CAMSAP2: variants seen among roughly 807,000 people sequenced by gnomAD.
CAMSAP2 encodes the protein calmodulin regulated spectrin associated protein family member 2, also known as calmodulin-regulated spectrin-associated protein 2.
In CAMSAP2, 26 loss-of-function variants were observed where a neutral mutation model predicts 146.1. The ratio of observed to expected loss-of-function variants is 0.18; its 90% CI spans 0.13 to 0.25. CAMSAP2 has a LOEUF of 0.25. Ranked by LOEUF, CAMSAP2 falls within the 10% of genes least tolerant of loss-of-function variation. The pLI, the probability that CAMSAP2 is intolerant of heterozygous loss-of-function variation, is 1.00. For missense variants in CAMSAP2, 1,381 were observed against 1,759.3 expected, an observed-to-expected ratio of 0.78 and a Z score of 3.85; for synonymous variants, 499 against 596.6, an observed-to-expected ratio of 0.84 and a Z score of 2.38.
In CAMSAP2 at chr1:200,739,232, C is replaced by T. The variant is rs558201213; in HGVS notation, c.-596C>T. Reference sequence around the variant, plus strand: ...ACGTTTTCCGCTGCTGCGTCTCCGGCGGGCAGGGGCCGGGCTGCGCTGGGT... The same window carrying T: ...ACGTTTTCCGCTGCTGCGTCTCCGGTGGGCAGGGGCCGGGCTGCGCTGGGT... On this transcript the variant is annotated 5_prime_UTR_variant, in exon 1 of 17. Transcript: ENST00000358823. This position sits in a 1 kb window ranked among gnomAD's most constrained non-coding sequence, Gnocchi z 4.8. 1.3e-5 allele frequency among the ~76,000 whole-genome samples: 2 copies of T among 152,206 alleles called. No individual in the cohort carries two copies. Among genetic ancestry groups the T allele is most frequent in the Non-Finnish European group, 2.9e-5 (2 of 67,994 alleles).
intron 2 of CAMSAP2, among the ~76,000 whole-genome samples, chr1:200,789,294 A>G (rs1665682769): frequency 6.6e-6 from 1 of 151,998 alleles, no homozygotes; most frequent in Non-Finnish European, 1.5e-5. Flanking sequence ...GTTATCTTCT[A>G]GAAGTTTTAT....
intron 4 of CAMSAP2, among the ~76,000 whole-genome samples, chr1:200,819,660 A>C (rs1380119776): frequency 6.6e-6 from 1 of 152,086 alleles, no homozygotes; most frequent in Non-Finnish European, 1.5e-5. Context: ...AGAAGGTTGG[A>C]TTAAATGGTT....
chr1:200,770,189 A>C (rs559943398), intron 2 of CAMSAP2, among the ~76,000 whole-genome samples: 1 of 152,284 alleles, frequency 6.6e-6, no homozygotes, highest in South Asian at 2.1e-4. Flanking sequence ...AGGAAAATTG[A>C]GTACACTTTA....
chr1:200,762,785 G>A (rs887623455), intron 2 of CAMSAP2, among the ~76,000 whole-genome samples: 2 of 152,148 alleles, frequency 1.3e-5, no homozygotes, highest in African/African-American at 4.8e-5. Flanking sequence ...TTTAAAATGA[G>A]GGGTTTGGTA....
intron 4 of CAMSAP2, among the ~76,000 whole-genome samples, chr1:200,822,161 C>T (rs201291276): frequency 3.0e-5 from 4 of 133,932 alleles, no homozygotes; most frequent in East Asian, 5.1e-4. Flanking sequence ...CACACACACA[C>T]ACACACACAC....
intron 15 of CAMSAP2, among the ~76,000 whole-genome samples, chr1:200,856,475 A>G (rs563576614): frequency 6.6e-6 from 1 of 152,348 alleles, no homozygotes; most frequent in South Asian, 2.1e-4. Context: ...GTGCACCTTT[A>G]GCAAGTATTA....
chr1:200,756,146 C>G (rs978331229), intron 1 of CAMSAP2, among the ~76,000 whole-genome samples: 5 of 152,054 alleles, frequency 3.3e-5, no homozygotes, highest in African/African-American at 9.7e-5. Flanking sequence ...TTACTGAACT[C>G]AAGATCCCAT....
intron 2 of CAMSAP2, among the ~76,000 whole-genome samples, chr1:200,791,867 G>A (rs908791349): frequency 6.6e-6 from 1 of 152,068 alleles, no homozygotes; most frequent in African/African-American, 2.4e-5. Context: ...TCAGGAGGCT[G>A]AGGCAGAAGA....
chr1:200,793,369 G>GT (rs1041742923), intron 2 of CAMSAP2, among the ~76,000 whole-genome samples: 1 of 151,932 alleles, frequency 6.6e-6, no homozygotes, highest in Non-Finnish European at 1.5e-5. Flanking sequence ...TTTCTAGGGT[G>GT]TTTTTTTAAT....
At chr1:200,804,215 C>T (rs922015765) in intron 2 of CAMSAP2, among the ~76,000 whole-genome samples, 3 of 151,982 alleles carry the variant, frequency 2.0e-5, no homozygotes, top group Admixed American at 1.3e-4. Flanking sequence ...CGTGAGCCAC[C>T]GCGCCTGGCC....
At chr1:200,748,824 A>T (rs978189458) in intron 1 of CAMSAP2, among the ~76,000 whole-genome samples, 1 of 150,550 alleles carries the variant, frequency 6.6e-6, no homozygotes, top group Admixed American at 6.6e-5. Flanking sequence ...CTTAATATCT[A>T]GTTGTCTCTC....
At chr1:200,819,709 T>C (rs1304944739) in intron 4 of CAMSAP2, among the ~76,000 whole-genome samples, 2 of 152,212 alleles carry the variant, frequency 1.3e-5, no homozygotes, top group African/African-American at 4.8e-5. Context: ...AGTTTTTCCC[T>C]TCTCGATATG....
At chr1:200,801,237 C>T (rs1056771036) in intron 2 of CAMSAP2, among the ~76,000 whole-genome samples, 2 of 151,114 alleles carry the variant, frequency 1.3e-5, no homozygotes, top group Non-Finnish European at 2.9e-5. Flanking sequence ...GCACTCCAGC[C>T]TGGAGACAGA....
At chr1:200,829,678 A>T (rs1029560303) in intron 4 of CAMSAP2, among the ~76,000 whole-genome samples, 2 of 151,892 alleles carry the variant, frequency 1.3e-5, no homozygotes, top group Non-Finnish European at 2.9e-5. Context: ...GCATAATCCC[A>T]CACTTTGAGA....
chr1:200,781,606 A>G (rs1665432051), intron 2 of CAMSAP2, among the ~76,000 whole-genome samples: 1 of 151,984 alleles, frequency 6.6e-6, no homozygotes, highest in Admixed American at 6.6e-5. Flanking sequence ...CAGTGGCATC[A>G]TCTCGGCTCA....
Position 200,832,672 on chromosome 1 carries a change from C to A in CAMSAP2, c.788-34C>A. ...TGAAATATTTATTATCAAATTAATC[C>A]AAAGTCACCACCTTGCTCTTTTCTT... On this transcript the variant is annotated intron_variant, in intron 5 of 16. Transcript: ENST00000358823. The surrounding 1 kb of genome is among the most constrained non-coding windows in gnomAD (Gnocchi z 4.2). The A allele has an allele frequency of 1.3e-6, 2 of 1,524,642 alleles. No homozygotes were observed. Among genetic ancestry groups the A allele is most frequent in the South Asian group, 1.3e-5 (1 of 76,144 alleles). The allele number at this position is 1,524,642 out of a possible 1,614,324, so 94.4% of individuals were successfully genotyped here.
At chr1:200,759,280 A>ATTTTTTTTT (rs374473632) in intron 1 of CAMSAP2, among the ~76,000 whole-genome samples, 1 of 128,892 alleles carries the variant, frequency 7.8e-6, no homozygotes, top group Non-Finnish European at 1.6e-5. Flanking sequence ...CTGCTATTCT[A>ATTTTTTTTT]TTTTTTTTTT....
chr1:200,749,109 A>G (rs896626188), intron 1 of CAMSAP2, among the ~76,000 whole-genome samples: 3 of 152,230 alleles, frequency 2.0e-5, no homozygotes, highest in Non-Finnish European at 4.4e-5. Flanking sequence ...GGATGCAAAC[A>G]GGGAGGAAGG....
At chr1:200,829,844 C>T (rs921610366) in intron 4 of CAMSAP2, among the ~76,000 whole-genome samples, 18 of 151,886 alleles carry the variant, frequency 1.2e-4, no homozygotes, top group Non-Finnish European at 4.4e-5. Context: ...GGAGAATCAC[C>T]TGAGACCAGG....
Sources: allele counts gnomAD v4.1 joint callset (sites outside exome capture counted in the v4.1 genomes callset), GRCh38; gene constraint gnomAD v4.1.1; non-coding constraint Gnocchi (gnomAD v3.1); transcripts MANE v1.5; gene names NCBI Gene and HGNC (gene_info 2026-07-23, HGNC 2026-07-21).